KIF26B: variants seen among roughly 807,000 people sequenced by gnomAD.
KIF26B encodes kinesin-like protein KIF26B.
Under a neutral mutation model 151.2 loss-of-function variants are expected in KIF26B, and 63 were observed. That is an observed-to-expected ratio of 0.42 (90% CI 0.34 to 0.51). The LOEUF (loss-of-function observed/expected upper bound fraction) is 0.51, where lower values mean the gene tolerates loss of function less well. KIF26B is among the 20% of genes least tolerant of loss of function. The probability of loss-of-function intolerance (pLI) is 0.07; values close to 1 mark genes in which losing one functional copy is unlikely to be tolerated. For missense variants in KIF26B, 2,813 were observed against 2,913.6 expected (o/e 0.97, Z 0.79); for synonymous variants, 1,357 against 1,262.1 (o/e 1.08, Z -1.59).
At chr1:245,617,711 G>A (rs1283639267) in intron 9 of KIF26B, among the ~76,000 whole-genome samples, 1 of 152,144 alleles carries the variant, frequency 6.6e-6, no homozygotes, top group Non-Finnish European at 1.5e-5. Context: ...TGTTGGCCAG[G>A]AGACACTATT....
chr1:245,267,029 T>C (rs1670759555), intron 2 of KIF26B, among the ~76,000 whole-genome samples: 1 of 152,238 alleles, frequency 6.6e-6, no homozygotes, highest in African/African-American at 2.4e-5. Context: ...CCACAGTGCA[T>C]ATGCTAATAC....
chr1:245,395,897 C>T (rs6672389), intron 3 of KIF26B, among the ~76,000 whole-genome samples: 35,820 of 152,058 alleles, frequency 0.24, 6,556 homozygotes, highest in African/African-American at 0.51. Flanking sequence ...TTTGGCAAAC[C>T]TCTGAAAGCC....
chr1:245,583,625 G>A (rs527887024), intron 5 of KIF26B, among the ~76,000 whole-genome samples: 29 of 152,292 alleles, frequency 1.9e-4, no homozygotes, highest in African/African-American at 6.3e-4. Context: ...CAATGCTGCC[G>A]GAGGACCTGT....
chr1:245,487,010 G>A lies in KIF26B; in HGVS notation c.1167-53757G>A, dbSNP rs556490353. Among the ~76,000 whole-genome samples the A allele has an allele frequency of 1.4e-4, 22 of 152,308 alleles. No individual in the cohort carries two copies. The East Asian group carries it at 2.5e-3, about 17-fold the overall frequency. On this transcript the variant is annotated intron_variant, in intron 4 of 14. Transcript: ENST00000407071. ...GTCGGACGTCCTGGGCCTGAGGCAC[G>A]GGTTTGTCACAAGGGGTGGCTCCCA... is the stretch of plus-strand genomic sequence containing the variant.
At chr1:245,659,700 T>C (rs1190260505) in intron 10 of KIF26B, among the ~76,000 whole-genome samples, 1 of 151,868 alleles carries the variant, frequency 6.6e-6, no homozygotes, top group African/African-American at 2.4e-5. Context: ...CATAAAGCAG[T>C]TAAAAGTCAC....
At chr1:245,504,195 A>T (rs575772291) in intron 4 of KIF26B, among the ~76,000 whole-genome samples, 5 of 152,014 alleles carry the variant, frequency 3.3e-5, no homozygotes, top group African/African-American at 1.2e-4. Flanking sequence ...TACATCACCC[A>T]TTGCTCTCTC....
At chr1:245,467,028 G>A (rs1659807680) in intron 4 of KIF26B, among the ~76,000 whole-genome samples, 1 of 152,176 alleles carries the variant, frequency 6.6e-6, no homozygotes, top group Non-Finnish European at 1.5e-5. Context: ...CCTTATTTTT[G>A]CATTCAGCTA....
intron 2 of KIF26B, among the ~76,000 whole-genome samples, chr1:245,254,016 T>C (rs1314925972): frequency 1.3e-5 from 2 of 151,992 alleles, no homozygotes; most frequent in East Asian, 1.9e-4. Context: ...TTCACCGTGT[T>C]AGCCAGGATG....
chr1:245,284,616 A>G (rs1558374993), intron 2 of KIF26B, among the ~76,000 whole-genome samples: 1 of 152,222 alleles, frequency 6.6e-6, no homozygotes, highest in Non-Finnish European at 1.5e-5. Context: ...TAGTTTTTGT[A>G]GAGTTCTCTC....
At chr1:245,215,305 A>G (rs1172701858) in intron 2 of KIF26B, among the ~76,000 whole-genome samples, 1 of 152,048 alleles carries the variant, frequency 6.6e-6, no homozygotes, top group African/African-American at 2.4e-5. Flanking sequence ...CCCCAGCATG[A>G]CACGGTCCAG....
intron 4 of KIF26B, among the ~76,000 whole-genome samples, chr1:245,531,051 A>G (rs535522185): frequency 1.1e-4 from 17 of 152,058 alleles, no homozygotes; most frequent in Non-Finnish European, 2.4e-4. Context: ...AGTTGTTATA[A>G]TTTCCCTTTT....
At chr1:245,210,297 G>C (rs1350897191) in intron 2 of KIF26B, among the ~76,000 whole-genome samples, 2 of 152,204 alleles carry the variant, frequency 1.3e-5, no homozygotes, top group Non-Finnish European at 2.9e-5. Context: ...GTGGCACCAT[G>C]GGCTCCAACC....
intron 2 of KIF26B, among the ~76,000 whole-genome samples, chr1:245,250,794 G>A (rs924496077): frequency 7.2e-5 from 11 of 152,056 alleles, no homozygotes; most frequent in Admixed American, 2.0e-4. Context: ...GTCCATTATT[G>A]TAATTGAATT....
At chr1:245,405,906 A>G (rs1674124887) in intron 3 of KIF26B, among the ~76,000 whole-genome samples, 1 of 152,208 alleles carries the variant, frequency 6.6e-6, no homozygotes, top group Non-Finnish European at 1.5e-5. Context: ...ATTACTCTGG[A>G]ACAATCAGCT....
chr1:245,441,087 G>A (rs1024445329), intron 4 of KIF26B, among the ~76,000 whole-genome samples: 1 of 152,208 alleles, frequency 6.6e-6, no homozygotes, highest in African/African-American at 2.4e-5. Flanking sequence ...TTGGCTTCCT[G>A]TGGAATTTCA....
chr1:245,658,588 TA>T (rs150966264), intron 10 of KIF26B, among the ~76,000 whole-genome samples: 1,839 of 152,158 alleles, frequency 0.012, 38 homozygotes, highest in African/African-American at 0.042. Context: ...GACGGGGTTT[TA>T]CCATGTTGCC....
intron 2 of KIF26B, among the ~76,000 whole-genome samples, chr1:245,310,177 G>GTA (rs56342250): frequency 0.068 from 9,937 of 146,254 alleles, 389 homozygotes; most frequent in East Asian, 0.11. Context: ...CTCACTATAT[G>GTA]TATATATATA....
intron 4 of KIF26B, among the ~76,000 whole-genome samples, chr1:245,531,756 T>G (rs1661366510): frequency 6.6e-6 from 1 of 152,144 alleles, no homozygotes; most frequent in Non-Finnish European, 1.5e-5. Flanking sequence ...GGCCACATGG[T>G]CAAGCACCCT....
At chr1:245,583,065 A>G (rs1026038821) in intron 5 of KIF26B, among the ~76,000 whole-genome samples, 5 of 152,172 alleles carry the variant, frequency 3.3e-5, no homozygotes, top group Non-Finnish European at 7.4e-5. Flanking sequence ...GAAAGGATTT[A>G]GAGTCTGGGC....
Sources: gnomAD v4.1 joint callset for allele counts (sites outside exome capture counted in the v4.1 genomes callset) on GRCh38, gnomAD v4.1.1 for gene constraint, MANE v1.5 for transcripts, NCBI Gene and HGNC (gene_info 2026-07-23, HGNC 2026-07-21) for gene names.